SRBD1: variants seen among roughly 807,000 people sequenced by gnomAD.
SRBD1 encodes S1 RNA binding domain 1.
In SRBD1, 88 loss-of-function variants were observed where a neutral mutation model predicts 115.3. The ratio of observed to expected loss-of-function variants is 0.76; its 90% confidence interval spans 0.64 to 0.91. SRBD1 has a LOEUF of 0.91. SRBD1 is among the 40% of genes least tolerant of loss of function. The pLI is 0.00. For synonymous variants in SRBD1, 509 were observed against 407.7 expected, an observed-to-expected ratio of 1.25 and a Z score of -2.99; for missense variants, 1,385 against 1,177.4, an observed-to-expected ratio of 1.18 and a Z score of -2.58.
intron 16 of SRBD1, among the ~76,000 whole-genome samples, chr2:45,458,734 T>TC (rs1413385696): frequency 2.0e-5 from 3 of 152,068 alleles, no homozygotes; most frequent in African/African-American, 7.2e-5. Flanking sequence ...CACCAATACT[T>TC]CCTTTTTAGA....
intron 18 of SRBD1, among the ~76,000 whole-genome samples, chr2:45,413,494 A>G (rs1667667694): frequency 6.6e-6 from 1 of 152,224 alleles, no homozygotes; most frequent in Non-Finnish European, 1.5e-5. Flanking sequence ...AGCCAAAAAC[A>G]TTCTTAACTG....
intron 4 of SRBD1, among the ~76,000 whole-genome samples, chr2:45,598,599 C>T (rs555747949): frequency 2.7e-5 from 4 of 148,860 alleles, no homozygotes; most frequent in South Asian, 4.3e-4. Flanking sequence ...AGCAAGACAC[C>T]GTCTCAAAAA....
intron 15 of SRBD1, among the ~76,000 whole-genome samples, chr2:45,480,039 G>A (rs1669913582): frequency 6.6e-6 from 1 of 152,106 alleles, no homozygotes; most frequent in African/African-American, 2.4e-5. Flanking sequence ...TTTATAGCAT[G>A]GTTTACTGAA....
intron 4 of SRBD1, among the ~76,000 whole-genome samples, chr2:45,595,610 C>A (rs1021713255): frequency 4.6e-5 from 7 of 152,192 alleles, no homozygotes; most frequent in African/African-American, 1.7e-4. Context: ...TACCCCTGTT[C>A]TCAACCATGT....
intron 16 of SRBD1, among the ~76,000 whole-genome samples, chr2:45,459,480 T>A (rs1367883007): frequency 6.6e-6 from 1 of 152,196 alleles, no homozygotes. Flanking sequence ...AGGTGTGAAC[T>A]AAATGACCTT....
intron 16 of SRBD1, among the ~76,000 whole-genome samples, chr2:45,466,469 C>A (rs996402693): frequency 1.3e-5 from 2 of 152,150 alleles, no homozygotes; most frequent in African/African-American, 2.4e-5. Flanking sequence ...TTAAATAACT[C>A]TCTTCCTTAA....
intron 14 of SRBD1, among the ~76,000 whole-genome samples, chr2:45,510,140 T>C (rs969708472): frequency 1.3e-5 from 2 of 152,188 alleles, no homozygotes; most frequent in Non-Finnish European, 2.9e-5. Context: ...AGAAACAAAT[T>C]AGCACGCATG....
At chr2:45,412,596 T>C (rs992466568) in intron 19 of SRBD1, among the ~76,000 whole-genome samples, 8 of 152,202 alleles carry the variant, frequency 5.3e-5, no homozygotes, top group African/African-American at 1.9e-4. Flanking sequence ...TAATTAAATA[T>C]GCTGTTAAAA....
At chr2:45,592,376 T>C (rs1194874545) in intron 4 of SRBD1, among the ~76,000 whole-genome samples, 4 of 152,080 alleles carry the variant, frequency 2.6e-5, no homozygotes, top group African/African-American at 2.4e-5. Flanking sequence ...GCACTGCACA[T>C]GCGGGCAGCC....
At chr2:45,441,140 C>T (rs1317834301) in intron 16 of SRBD1, among the ~76,000 whole-genome samples, 1 of 152,148 alleles carries the variant, frequency 6.6e-6, no homozygotes, top group Non-Finnish European at 1.5e-5. Flanking sequence ...AGACCTGAGG[C>T]TGACACTGCC....
chr2:45,398,029 G>C (rs1224350115), intron 19 of SRBD1, among the ~76,000 whole-genome samples: 1 of 152,124 alleles, frequency 6.6e-6, no homozygotes, highest in East Asian at 1.9e-4. Flanking sequence ...GAGGCCCACA[G>C]AACTACCTGT....
chr2:45,594,390 C>T (rs920398851), intron 4 of SRBD1, among the ~76,000 whole-genome samples: 10 of 152,146 alleles, frequency 6.6e-5, no homozygotes, highest in East Asian at 1.9e-4. Flanking sequence ...TCACCACTCC[C>T]GAAAGAAACT....
At chr2:45,588,691 G>A (rs904749987) in intron 4 of SRBD1, among the ~76,000 whole-genome samples, 1 of 152,168 alleles carries the variant, frequency 6.6e-6, no homozygotes, top group African/African-American at 2.4e-5. Context: ...GCATTGCTCT[G>A]GCCAGAGAGA....
intron 19 of SRBD1, among the ~76,000 whole-genome samples, chr2:45,411,586 G>A (rs752748942): frequency 3.3e-5 from 5 of 152,170 alleles, no homozygotes; most frequent in Admixed American, 1.3e-4. Context: ...ATAAGGGAAC[G>A]TTTTCAGATA....
At chr2:45,414,362 ATTAAAT>A (rs1461081733) in intron 18 of SRBD1, among the ~76,000 whole-genome samples, 1 of 150,114 alleles carries the variant, frequency 6.7e-6, no homozygotes, top group Non-Finnish European at 1.5e-5. Flanking sequence ...ACAAAAACTG[ATTAAAT>A]TAAATAAGTG....
At chr2:45,570,809 G>A (rs1487129752) in intron 9 of SRBD1, among the ~76,000 whole-genome samples, 3 of 152,110 alleles carry the variant, frequency 2.0e-5, no homozygotes, top group Non-Finnish European at 4.4e-5. Flanking sequence ...TTTGATGTCT[G>A]GTGTGTCCCT....
intron 4 of SRBD1, among the ~76,000 whole-genome samples, chr2:45,593,041 T>G (rs1673773748): frequency 6.6e-6 from 1 of 152,166 alleles, no homozygotes; most frequent in Non-Finnish European, 1.5e-5. Context: ...ATTTATTACT[T>G]TTATATTTTT....
At chr2:45,450,865 T>C (rs1668971204) in intron 16 of SRBD1, among the ~76,000 whole-genome samples, 1 of 152,076 alleles carries the variant, frequency 6.6e-6, no homozygotes, top group Middle Eastern at 3.2e-3. Flanking sequence ...AGTTAACAGC[T>C]TTTCATGAAA....
rs768597427 is a variant in SRBD1, at chr2:45,546,799, C to A, written c.1807G>T (p.Glu603Ter). 6.2e-7 allele frequency: 1 copy of A among 1,614,138 alleles called. No individual in the cohort carries two copies. The highest frequency in any genetic ancestry group is 8.5e-7 in the Non-Finnish European group (1 of 1,180,004). The change falls in exon 14 of 21, where the codon GAA becomes TAA. Residue 603 changes from glutamate to a stop codon, truncating the protein, a stop_gained. Coordinates refer to ENST00000263736, the MANE Select transcript of SRBD1 (RefSeq NM_018079.5). LOFTEE classifies it high-confidence loss of function. ...VVIGNGTACRETEAYFADLIM... is the reference protein window; with the variant it reads ...VVIGNGTACR Reference sequence around the variant, plus strand: ...AGGTCAGCAAAGTAAGCTTCTGTTTCCCTGCAGGCAGTTCCATTTCCAATC... The same window carrying A: ...AGGTCAGCAAAGTAAGCTTCTGTTTACCTGCAGGCAGTTCCATTTCCAATC...
Sources: gnomAD v4.1 joint callset for allele counts (sites outside exome capture counted in the v4.1 genomes callset) on GRCh38, gnomAD v4.1.1 for gene constraint, MANE v1.5 for transcripts, NCBI Gene and HGNC (gene_info 2026-07-23, HGNC 2026-07-21) for gene names.